SLC7A9: variants seen among roughly 807,000 people sequenced by gnomAD.
SLC7A9 encodes the protein solute carrier family 7 member 9.
A neutral mutation model predicts 54.1 loss-of-function variants in SLC7A9; 38 were observed. The ratio of observed to expected loss-of-function variants is 0.70; its 90% CI spans 0.54 to 0.92. The LOEUF (loss-of-function observed/expected upper bound fraction) is 0.92, where lower values mean the gene tolerates loss of function less well. Among genes scored for constraint, SLC7A9 ranks in the 40% least tolerant of loss-of-function variants. The pLI is 0.00. For missense variants in SLC7A9, 537 were observed against 636.1 expected (o/e 0.84, Z 1.68); for synonymous variants, 264 against 258.9 (o/e 1.02, Z -0.19).
intron 9 of SLC7A9, among the ~76,000 whole-genome samples, chr19:32,856,287 T>G (rs73036832): frequency 6.7e-6 from 1 of 149,934 alleles, no homozygotes; most frequent in Non-Finnish European, 1.5e-5. Flanking sequence ...CTCTGCCTCC[T>G]GGGTTCACGC....
intron 6 of SLC7A9, 111 bp from the exon 7 acceptor site, chr19:32,860,761 T>C: frequency 6.9e-7 from 1 of 1,443,006 alleles, no homozygotes; most frequent in Non-Finnish European, 9.5e-7. Flanking sequence ...GAGAAAAAAA[T>C]TCTCCTGCAG....
chr19:32,833,488 ATTTTC>A (rs1568510005), intron 11 of SLC7A9, among the ~76,000 whole-genome samples, 165 bp from the exon 12 acceptor site: 2 of 152,080 alleles, frequency 1.3e-5, no homozygotes, highest in South Asian at 2.1e-4. Flanking sequence ...CCTTTTAAAA[ATTTTC>A]TTTACTTTTT....
intron 9 of SLC7A9, among the ~76,000 whole-genome samples, chr19:32,855,807 C>T (rs1968611982): frequency 6.6e-6 from 1 of 152,170 alleles, no homozygotes; most frequent in South Asian, 2.1e-4. Context: ...CCTACAAAAT[C>T]CCCAGCAAGC....
At chr19:32,855,535 TAA>T (rs1555784071) in intron 9 of SLC7A9, among the ~76,000 whole-genome samples, 1 of 151,798 alleles carries the variant, frequency 6.6e-6, no homozygotes, top group African/African-American at 2.4e-5. Context: ...CCATCTCTAC[TAA>T]AAATACAAAA....
Position 32,858,521 on chromosome 19 carries a change from T to G in SLC7A9, c.896A>C (p.Tyr299Ser). ...VAVTFGDRVLYPASWIVPLFV... is the reference protein window; with the variant it reads ...VAVTFGDRVLSPASWIVPLFV... ...AAGTGGAACGATCCAAGAAGCAGGA[T>G]AGAGAACACGGTCACCAAATGTCTG... The change falls in exon 9 of 13, where the codon TAT becomes TCT. Residue 299 changes from tyrosine (Y) to serine (S), a missense_variant. Transcript: ENST00000023064. The G allele has an allele frequency of 1.2e-6, 2 of 1,613,006 alleles. No homozygotes were observed. The highest frequency in any genetic ancestry group is 1.7e-6 in the Non-Finnish European group (2 of 1,179,764).
intron 9 of SLC7A9, among the ~76,000 whole-genome samples, chr19:32,851,110 A>G (rs892855347): frequency 8.7e-4 from 132 of 152,364 alleles, no homozygotes; most frequent in African/African-American, 3.1e-3. Flanking sequence ...GGACATAGGC[A>G]TGGGCAAGGA....
At chr19:32,843,230 G>A (rs1968179781) in intron 10 of SLC7A9, among the ~76,000 whole-genome samples, 1 of 152,058 alleles carries the variant, frequency 6.6e-6, no homozygotes, top group Admixed American at 6.6e-5. Context: ...GCTGGGGTGG[G>A]CAAATCACTT....
At chr19:32,868,384 C>A (rs974321585) in intron 2 of SLC7A9, 64 bp downstream of exon 2, 7 of 1,225,084 alleles carry the variant, frequency 5.7e-6, no homozygotes, top group African/African-American at 4.5e-5. Context: ...TCACTGCCTG[C>A]GCCCCTCGTT....
chr19:32,839,826 AT>A (rs987053699), intron 11 of SLC7A9, among the ~76,000 whole-genome samples: 1 of 152,102 alleles, frequency 6.6e-6, no homozygotes, highest in East Asian at 1.9e-4. Flanking sequence ...TGCCCAAAGC[AT>A]TTTTTTAAAG....
chr19:32,858,383 G>A (rs921626297), intron 9 of SLC7A9, 57 bp downstream of exon 9: 2 of 1,190,078 alleles, frequency 1.7e-6, no homozygotes, highest in Admixed American at 1.7e-5. Flanking sequence ...TTCCTCGGGG[G>A]TGATATTGCT....
intron 12 of SLC7A9, among the ~76,000 whole-genome samples, chr19:32,831,858 A>C (rs1356311620): frequency 6.6e-6 from 1 of 152,252 alleles, no homozygotes; most frequent in Non-Finnish European, 1.5e-5. Context: ...TCTGCATATC[A>C]GACAAAGGAG....
Position 32,854,304 on chromosome 19 carries a change from G to A in SLC7A9, c.977+4136C>T, listed in dbSNP as rs1009504259. On this transcript the variant is annotated intron_variant, in intron 9 of 12. Coordinates refer to ENST00000023064, the MANE Select transcript of SLC7A9 (RefSeq NM_014270.5). Reference sequence around the variant, plus strand: ...GCTTTGATTACAGGTGTGAGCCACCGTACCCATGCTGGAAGACTCAGTACT... The same window carrying A: ...GCTTTGATTACAGGTGTGAGCCACCATACCCATGCTGGAAGACTCAGTACT... 4.6e-5 allele frequency among the ~76,000 whole-genome samples: 7 copies of A among 152,054 alleles called. No individual in the cohort carries two copies. The South Asian group carries it at 8.3e-4, about 18-fold the overall frequency.
At chr19:32,859,766 C>T in intron 8 of SLC7A9, 75 bp downstream of exon 8, 2 of 1,239,774 alleles carry the variant, frequency 1.6e-6, no homozygotes, top group Non-Finnish European at 2.4e-6. Flanking sequence ...AGGGAGCTCA[C>T]CTCCAGTGCT....
intron 11 of SLC7A9, among the ~76,000 whole-genome samples, chr19:32,837,837 A>T (rs1968009274): frequency 6.6e-6 from 1 of 152,196 alleles, no homozygotes; most frequent in South Asian, 2.1e-4. Context: ...CATTTTGGGG[A>T]TTCAGATACT....
At chr19:32,837,259 G>A (rs935406935) in intron 11 of SLC7A9, among the ~76,000 whole-genome samples, 3 of 152,018 alleles carry the variant, frequency 2.0e-5, no homozygotes, top group Non-Finnish European at 2.9e-5. Flanking sequence ...ACTTTGGGAG[G>A]CCAAGGCAGG....
At chr19:32,838,468 TATATC>T (rs1204833401) in intron 11 of SLC7A9, among the ~76,000 whole-genome samples, 1 of 148,550 alleles carries the variant, frequency 6.7e-6, no homozygotes, top group East Asian at 1.9e-4. Context: ...AAGAATATAT[TATATC>T]TAATAGGCAC....
intron 11 of SLC7A9, among the ~76,000 whole-genome samples, chr19:32,834,649 GGGTGATT>G (rs1252719833): frequency 2.6e-5 from 4 of 151,992 alleles, no homozygotes; most frequent in Admixed American, 2.6e-4. Context: ...ACCATAACCT[GGGTGATT>G]GGAGTACTCA....
At chr19:32,849,249 G>A (rs1420429031) in intron 9 of SLC7A9, among the ~76,000 whole-genome samples, 5 of 152,118 alleles carry the variant, frequency 3.3e-5, no homozygotes, top group African/African-American at 9.7e-5. Flanking sequence ...TCCAGGAGCT[G>A]GTTTTTTGAA....
intron 1 of SLC7A9, among the ~76,000 whole-genome samples, chr19:32,869,079 G>A (rs886746649): frequency 6.6e-6 from 1 of 151,020 alleles, no homozygotes; most frequent in Non-Finnish European, 1.5e-5. Flanking sequence ...AAAATTAGCT[G>A]GGTGTGGTGG....
Sources: gnomAD v4.1 joint callset for allele counts (sites outside exome capture counted in the v4.1 genomes callset) on GRCh38, gnomAD v4.1.1 for gene constraint, MANE v1.5 for transcripts, NCBI Gene and HGNC (gene_info 2026-07-23, HGNC 2026-07-21) for gene names.